Variants in GLG1 observed in about 807,000 individuals in gnomAD.
GLG1 encodes golgi glycoprotein 1, also known as Golgi apparatus protein 1.
Under a neutral mutation model 160.5 loss-of-function variants are expected in GLG1, and 38 were observed. That is an observed-to-expected ratio of 0.24 (90% CI 0.18 to 0.31). The LOEUF (loss-of-function observed/expected upper bound fraction) is 0.31. Ranked by LOEUF, GLG1 falls within the 10% of genes least tolerant of loss-of-function variation. The probability of loss-of-function intolerance (pLI) is 1.00; values close to 1 mark genes in which losing one functional copy is unlikely to be tolerated. For missense variants in GLG1, 1,373 were observed against 1,505.2 expected (o/e 0.91, Z 1.45); for synonymous variants, 644 against 543.4 (o/e 1.19, Z -2.57).
chr16:74,497,313 C>A (rs7188218), intron 4 of GLG1, among the ~76,000 whole-genome samples: 1,738 of 14,068 alleles, frequency 0.12, 59 homozygotes, highest in East Asian at 0.5. Context: ...CACACACACA[C>A]ACAAAAAACC....
At chr16:74,538,348 G>A (rs1255042045) in intron 1 of GLG1, among the ~76,000 whole-genome samples, 4 of 151,644 alleles carry the variant, frequency 2.6e-5, no homozygotes, top group African/African-American at 7.3e-5. Context: ...CCCATCACAC[G>A]AACACTTCAT....
intron 1 of GLG1, among the ~76,000 whole-genome samples, chr16:74,588,480 C>A (rs1187744004): frequency 6.6e-6 from 1 of 151,974 alleles, no homozygotes; most frequent in Non-Finnish European, 1.5e-5. Context: ...GTCCAGGTTA[C>A]CCATTCTGTT....
At chr16:74,511,700 A>G (rs1317385571) in intron 2 of GLG1, among the ~76,000 whole-genome samples, 2 of 152,020 alleles carry the variant, frequency 1.3e-5, no homozygotes, top group African/African-American at 4.8e-5. Flanking sequence ...TAAGCAGAAT[A>G]TTTCCTTACT....
chr16:74,478,239 T>C (rs907016029), intron 11 of GLG1, among the ~76,000 whole-genome samples: 7 of 152,106 alleles, frequency 4.6e-5, no homozygotes, highest in African/African-American at 1.4e-4. Context: ...TCAGATCCAA[T>C]TCAAGAGAGC....
Position 74,554,984 on chromosome 16 carries a change from C to T in GLG1, c.439-22831G>A, listed in dbSNP as rs71392605. Among the ~76,000 whole-genome samples, 727 of 152,246 alleles carry T rather than the reference C, an allele frequency of 4.8e-3. 5 individuals are homozygous for T. Among genetic ancestry groups the T allele is most frequent in the Admixed American group, 6.2e-3 (95 of 15,296 alleles). On this transcript the variant is annotated intron_variant, in intron 1 of 25. Coordinates refer to ENST00000422840, the MANE Select transcript of GLG1 (RefSeq NM_001145667.2). Reference sequence around the variant, plus strand: ...TGAGCTATAATCTCACCACTGCCCTCCAACCTGAGCGACTGAGCAAAACCC... The same window carrying T: ...TGAGCTATAATCTCACCACTGCCCTTCAACCTGAGCGACTGAGCAAAACCC...
chr16:74,529,458 C>A, intron 2 of GLG1, among the ~76,000 whole-genome samples: 1 of 151,846 alleles, frequency 6.6e-6, no homozygotes, highest in African/African-American at 2.4e-5. Context: ...TTATTTTCCT[C>A]TATTTTATTT....
chr16:74,469,317 T>A, intron 16 of GLG1: 1 of 523,108 alleles, frequency 1.9e-6, no homozygotes, highest in South Asian at 2.6e-5. Context: ...GGCACATGTG[T>A]GCAACGACAG....
At chr16:74,564,227 C>G (rs4600490) in intron 1 of GLG1, among the ~76,000 whole-genome samples, 2 of 152,056 alleles carry the variant, frequency 1.3e-5, no homozygotes, top group African/African-American at 4.8e-5. Context: ...GCCTTGCTGA[C>G]ACCTCTTGTT....
intron 4 of GLG1, among the ~76,000 whole-genome samples, chr16:74,499,816 A>T (rs1039858436): frequency 6.6e-6 from 1 of 152,178 alleles, no homozygotes; most frequent in Non-Finnish European, 1.5e-5. Context: ...ATCCTGGCTA[A>T]CACTGTGAAA....
chr16:74,478,902 A>C lies in GLG1; in HGVS notation c.1827+1339T>G, dbSNP rs542664398. 9.2e-4 allele frequency among the ~76,000 whole-genome samples: 105 copies of C among 114,710 alleles called. 1 individual carries two copies. Among genetic ancestry groups the C allele is most frequent in the Admixed American group, 2.6e-3 (26 of 9,988 alleles). The allele number at this position is 114,710 out of a possible 152,430, so 75.3% of individuals were successfully genotyped here. On this transcript the variant is annotated intron_variant, in intron 11 of 25. Transcript: ENST00000422840. ...AGAGTGAAACTCCGTCTCAAAAAAA[A>C]AAAAAAGGGGGGGGTTATTTTGGCC...
At chr16:74,501,597 C>A (rs569736966) in intron 4 of GLG1, among the ~76,000 whole-genome samples, 2 of 152,270 alleles carry the variant, frequency 1.3e-5, no homozygotes, top group East Asian at 3.9e-4. Context: ...TGGTGGTTAC[C>A]AGGCAAGAAC....
intron 2 of GLG1, among the ~76,000 whole-genome samples, chr16:74,524,644 A>T (rs1253711929): frequency 1.3e-5 from 2 of 152,152 alleles, no homozygotes; most frequent in Non-Finnish European, 2.9e-5. Context: ...AGGGAGGGGA[A>T]GTACATAAGG....
intron 1 of GLG1, among the ~76,000 whole-genome samples, chr16:74,577,404 C>T (rs1263903873): frequency 6.6e-6 from 1 of 151,724 alleles, no homozygotes; most frequent in East Asian, 1.9e-4. Context: ...CACCTGTAAT[C>T]CCAGCTACTC....
chr16:74,540,987 A>G (rs868196395), intron 1 of GLG1, among the ~76,000 whole-genome samples: 3 of 152,268 alleles, frequency 2.0e-5, no homozygotes, highest in South Asian at 4.1e-4. Flanking sequence ...ATATTTCTGA[A>G]CTGTGAGGTT....
intron 10 of GLG1, among the ~76,000 whole-genome samples, chr16:74,482,711 C>T (rs951685171): frequency 2.6e-5 from 4 of 152,118 alleles, no homozygotes; most frequent in African/African-American, 7.2e-5. Flanking sequence ...TCTGAAGGCG[C>T]TTTTGCCACC....
At chr16:74,475,785 T>A (rs2015373374) in intron 12 of GLG1, among the ~76,000 whole-genome samples, 1 of 152,128 alleles carries the variant, frequency 6.6e-6, no homozygotes, top group Admixed American at 6.6e-5. Context: ...GTTGTAGGAA[T>A]TATACAACAG....
chr16:74,472,825 A>C, intron 13 of GLG1: 1 of 334,280 alleles, frequency 3.0e-6, no homozygotes, highest in East Asian at 7.8e-5. Flanking sequence ...GCAGATGCCA[A>C]ACCACTGTTA....
intron 2 of GLG1, among the ~76,000 whole-genome samples, chr16:74,530,320 G>C (rs11863457): frequency 6.6e-6 from 1 of 152,102 alleles, no homozygotes; most frequent in Admixed American, 6.6e-5. Context: ...ATGCATTTTA[G>C]GTTGACTGTT....
chr16:74,516,281 C>T (rs1480635343), intron 2 of GLG1, among the ~76,000 whole-genome samples: 1 of 151,682 alleles, frequency 6.6e-6, no homozygotes, highest in Non-Finnish European at 1.5e-5. Context: ...CACACCTATT[C>T]CAAAACTGAC....
Sources: allele counts gnomAD v4.1 joint callset (sites outside exome capture counted in the v4.1 genomes callset), GRCh38; gene constraint gnomAD v4.1.1; transcripts MANE v1.5; gene names NCBI Gene and HGNC (gene_info 2026-07-23, HGNC 2026-07-21).